The following KMO variants were observed in gnomAD, a reference collection of about 807,000 sequenced individuals.
KMO encodes kynurenine 3-monooxygenase.
In KMO, 24 loss-of-function variants were observed where a neutral mutation model predicts 57.8. The ratio of observed to expected loss-of-function variants is 0.42; its 90% CI spans 0.30 to 0.58. KMO has a LOEUF of 0.58. Among genes scored for constraint, KMO ranks in the 20% least tolerant of loss-of-function variants. The pLI is 0.22. For synonymous variants in KMO, 210 were observed against 193.6 expected, an observed-to-expected ratio of 1.08 and a Z score of -0.70; for missense variants, 483 against 588.2, an observed-to-expected ratio of 0.82 and a Z score of 1.85.
intron 14 of KMO, 183 bp downstream of exon 14, chr1:241,590,446 G>T: frequency 1.9e-6 from 1 of 536,968 alleles, no homozygotes; most frequent in Non-Finnish European, 3.3e-6. Flanking sequence ...ATTACAAGGA[G>T]GTGGCAAAGA....
chr1:241,564,009 T>A (rs12139931), intron 7 of KMO, among the ~76,000 whole-genome samples: 18 of 152,092 alleles, frequency 1.2e-4, no homozygotes, highest in African/African-American at 4.3e-4. Context: ...CCTATTGGAC[T>A]GCACTGTAAG....
intron 1 of KMO, among the ~76,000 whole-genome samples, chr1:241,535,823 G>A (rs1025928744): frequency 2.0e-5 from 3 of 152,182 alleles, no homozygotes; most frequent in Non-Finnish European, 2.9e-5. Context: ...GGTAACTGCA[G>A]GACAATCAAC....
At chr1:241,576,193 T>C (rs1229463609) in intron 10 of KMO, among the ~76,000 whole-genome samples, 1 of 151,978 alleles carries the variant, frequency 6.6e-6, no homozygotes, top group Non-Finnish European at 1.5e-5. Flanking sequence ...AGACACTTGG[T>C]TTCTGATGTT....
In KMO at chr1:241,594,718, T is replaced by C. The variant is rs772666066; in HGVS notation, c.*2565T>C. The C allele has an allele frequency of 3.7e-6, 6 of 1,601,774 alleles. No individual in the cohort carries two copies. In the South Asian group the frequency reaches 6.7e-5, roughly 18 times the overall value. ...TGGGCAGAGAAAAAATAAAGTGGAA[T>C]ATTAAGTAAAAGTTGGGCACTAATC... On this transcript the variant is annotated 3_prime_UTR_variant, in exon 15 of 15. Coordinates refer to ENST00000366559, the MANE Select transcript of KMO (RefSeq NM_003679.5).
intron 5 of KMO, among the ~76,000 whole-genome samples, chr1:241,556,569 CAA>C (rs1661632221): frequency 6.6e-6 from 1 of 152,190 alleles, no homozygotes; most frequent in Non-Finnish European, 1.5e-5. Flanking sequence ...AAACAATTTG[CAA>C]AGTGACACAA....
At chr1:241,541,184 A>G (rs1467059862) in intron 1 of KMO, among the ~76,000 whole-genome samples, 1 of 152,184 alleles carries the variant, frequency 6.6e-6, no homozygotes. Context: ...TGAGGGCCCC[A>G]TGTAAGGACA....
chr1:241,536,388 A>C (rs763938436), intron 1 of KMO: 6 of 348,018 alleles, frequency 1.7e-5, no homozygotes, highest in Non-Finnish European at 2.4e-5. Context: ...ATCTAAGCTA[A>C]ACAAGTGTCC....
chr1:241,577,631 T>G (rs963322039), intron 10 of KMO, among the ~76,000 whole-genome samples: 6 of 152,144 alleles, frequency 3.9e-5, no homozygotes, highest in African/African-American at 1.4e-4. Flanking sequence ...ATGGTAGAGA[T>G]ATTTTGAGGC....
In KMO at chr1:241,594,321, G is replaced by C. The variant is rs577471021; in HGVS notation, c.*2168G>C. On this transcript the variant is annotated 3_prime_UTR_variant, in exon 15 of 15. Transcript: ENST00000366559. ...ATTCGGATTTCCTGCTGGACCACAAGGTTCTGTTGATATTACATAGAACGG... is the reference window on the plus strand; with the variant it reads ...ATTCGGATTTCCTGCTGGACCACAACGTTCTGTTGATATTACATAGAACGG... 1 of 1,245,204 alleles carries C rather than the reference G, an allele frequency of 8.0e-7. No homozygotes were observed. Among genetic ancestry groups the C allele is most frequent in the African/African-American group, 1.5e-5 (1 of 66,700 alleles). The allele number at this position is 1,245,204 out of a possible 1,614,324, so 77.1% of individuals were successfully genotyped here.
At chr1:241,588,443 A>T (rs113929625) in intron 11 of KMO, among the ~76,000 whole-genome samples, 183 of 146,776 alleles carry the variant, frequency 1.2e-3, no homozygotes, top group South Asian at 7.0e-3. Context: ...TGGTTTACAC[A>T]TGACGTTGGA....
At chr1:241,588,594 A>G (rs912360485) in intron 11 of KMO, among the ~76,000 whole-genome samples, 154 bp from the exon 12 acceptor site, 12 of 148,052 alleles carry the variant, frequency 8.1e-5, no homozygotes, top group Non-Finnish European at 1.5e-4. Context: ...TGTATTGTCA[A>G]TAGTCATAGA....
chr1:241,579,056 G>A (rs182471558), intron 10 of KMO, among the ~76,000 whole-genome samples: 28 of 152,196 alleles, frequency 1.8e-4, no homozygotes, highest in South Asian at 1.0e-3. Context: ...GGGAATTATG[G>A]GAGATACAAT....
intron 4 of KMO, among the ~76,000 whole-genome samples, chr1:241,554,354 G>A (rs907943965): frequency 3.3e-5 from 5 of 150,598 alleles, no homozygotes; most frequent in African/African-American, 1.2e-4. Flanking sequence ...ATGTGATCTC[G>A]GCTCACTGCA....
chr1:241,546,274 G>A (rs909188243), intron 1 of KMO, among the ~76,000 whole-genome samples: 2 of 152,120 alleles, frequency 1.3e-5, no homozygotes, highest in Non-Finnish European at 2.9e-5. Flanking sequence ...TGTACTTCTA[G>A]TTTCATGAGT....
intron 11 of KMO, 81 bp from the exon 12 acceptor site, chr1:241,588,667 A>G (rs936304403): frequency 3.2e-6 from 3 of 931,298 alleles, no homozygotes; most frequent in Non-Finnish European, 5.2e-6. Flanking sequence ...TTGGTAGTGA[A>G]CGTACCATTT....
chr1:241,580,328 A>T (rs1327472347), intron 10 of KMO, among the ~76,000 whole-genome samples: 4 of 152,132 alleles, frequency 2.6e-5, no homozygotes, highest in Admixed American at 6.5e-5. Context: ...AGGCATGCTA[A>T]CATTGCCTCC....
intron 10 of KMO, among the ~76,000 whole-genome samples, chr1:241,572,184 A>ACTATAT (rs1225520994): frequency 1.3e-5 from 2 of 151,874 alleles, no homozygotes; most frequent in Non-Finnish European, 2.9e-5. Flanking sequence ...TCCTTTTTAA[A>ACTATAT]TGTTTTGTAG....
chr1:241,541,747 T>A (rs1277682702), intron 1 of KMO, among the ~76,000 whole-genome samples: 2 of 152,198 alleles, frequency 1.3e-5, no homozygotes, highest in African/African-American at 2.4e-5. Flanking sequence ...AAGACACTGA[T>A]GTGCTTATTG....
intron 1 of KMO, among the ~76,000 whole-genome samples, chr1:241,539,778 C>G (rs1314705920): frequency 6.6e-6 from 1 of 152,158 alleles, no homozygotes; most frequent in Admixed American, 6.5e-5. Flanking sequence ...GCCCAGGAGC[C>G]AACGGGGCAG....
Sources: allele counts gnomAD v4.1 joint callset (sites outside exome capture counted in the v4.1 genomes callset), GRCh38; gene constraint gnomAD v4.1.1; transcripts MANE v1.5; gene names NCBI Gene and HGNC (gene_info 2026-07-23, HGNC 2026-07-21).